SNX24: variants seen among roughly 807,000 people sequenced by gnomAD.
The protein encoded by SNX24 is sorting nexin-24.
SNX24 carries 22 observed loss-of-function variants against 28.7 expected under a neutral mutation model. That is an observed-to-expected ratio of 0.77 (90% confidence interval 0.55 to 1.10). The LOEUF is 1.10. Ranked by LOEUF, SNX24 falls within the 50% of genes least tolerant of loss-of-function variation. SNX24 has a pLI of 0.00. For missense variants in SNX24, 221 were observed against 201.1 expected (o/e 1.10, Z -0.60); for synonymous variants, 69 against 71.5 (o/e 0.96, Z 0.18).
At chr5:122,901,786 C>T (rs1023004976) in intron 1 of SNX24, among the ~76,000 whole-genome samples, 1 of 152,108 alleles carries the variant, frequency 6.6e-6, no homozygotes, top group African/African-American at 2.4e-5. Context: ...CTGGTAGATG[C>T]CTGGTCCTAG....
intron 1 of SNX24, among the ~76,000 whole-genome samples, chr5:122,880,820 ACT>A (rs1348963109): frequency 6.6e-6 from 1 of 152,162 alleles, no homozygotes. Context: ...AAATCTGGGA[ACT>A]CTGCACAATT....
At position 122,985,127 on chromosome 5, in the gene SNX24, G is replaced by A. The variant is rs568272883; in HGVS notation, c.250-14785G>A. On this transcript the variant is annotated intron_variant, in intron 3 of 6. Transcript: ENST00000261369. ...ATTTAGATGAACAATGGCTTATTTT[G>A]TGGTAACTTATAACCATATCATCTC... Among the ~76,000 whole-genome samples the A allele has an allele frequency of 7.2e-5, 11 of 152,220 alleles. No homozygotes were observed. In the East Asian group the frequency reaches 2.1e-3, roughly 29 times the overall value.
At chr5:122,951,856 A>G (rs912570800) in intron 3 of SNX24, among the ~76,000 whole-genome samples, 1 of 152,220 alleles carries the variant, frequency 6.6e-6, no homozygotes, top group Non-Finnish European at 1.5e-5. Context: ...CTAGGCTCAG[A>G]GTCTGCGGGT....
chr5:122,914,238 G>A (rs1758059857), intron 1 of SNX24, among the ~76,000 whole-genome samples: 1 of 152,204 alleles, frequency 6.6e-6, no homozygotes, highest in South Asian at 2.1e-4. Context: ...GCATCCCAGG[G>A]ATGAAGCCCA....
intron 3 of SNX24, among the ~76,000 whole-genome samples, chr5:122,953,472 C>T (rs1760058286): frequency 6.6e-6 from 1 of 151,562 alleles, no homozygotes; most frequent in African/African-American, 2.4e-5. Flanking sequence ...CTTGTAATGC[C>T]TAGACATAGC....
chr5:123,005,783 T>G (rs1762402913), intron 6 of SNX24, among the ~76,000 whole-genome samples: 1 of 152,228 alleles, frequency 6.6e-6, no homozygotes, highest in African/African-American at 2.4e-5. Flanking sequence ...AGAATTAAAA[T>G]TAACTTAGCT....
At chr5:123,024,055 A>C (rs1477096925) in intron 5 of SNX24, 3 of 1,569,532 alleles carry the variant, frequency 1.9e-6, no homozygotes, top group East Asian at 4.5e-5. Context: ...CAGCTATAGC[A>C]ATCCAAAGGT....
intron 1 of SNX24, among the ~76,000 whole-genome samples, chr5:122,902,780 A>G (rs530815096): frequency 6.6e-6 from 1 of 152,230 alleles, no homozygotes; most frequent in Non-Finnish European, 1.5e-5. Context: ...ATGGTTAAAA[A>G]GAGCCCCTTC....
intron 4 of SNX24, among the ~76,000 whole-genome samples, chr5:123,000,831 A>AC (rs1762220912): frequency 6.6e-6 from 1 of 152,160 alleles, no homozygotes; most frequent in Non-Finnish European, 1.5e-5. Context: ...AGAGAGGTTT[A>AC]CCCATTTTCT....
At position 122,973,755 on chromosome 5, in the gene SNX24, G is replaced by T. The variant is rs138279312; in HGVS notation, c.250-26157G>T. Among the ~76,000 whole-genome samples the T allele has an allele frequency of 6.2e-4, 94 of 152,322 alleles. 2 individuals carry two copies. In the East Asian group the frequency reaches 0.013, roughly 22 times the overall value. ...TGGTAAGTTGGCAACCCATAGTCAA[G>T]CGTTCAGTTTCTACAAAAGCCAAGT... is the stretch of plus-strand genomic sequence containing the variant. On this transcript the variant is annotated intron_variant, in intron 3 of 6. Coordinates refer to ENST00000261369, the MANE Select transcript of SNX24 (RefSeq NM_014035.4).
At chr5:122,968,296 G>T (rs1373921598) in intron 3 of SNX24, among the ~76,000 whole-genome samples, 1 of 152,188 alleles carries the variant, frequency 6.6e-6, no homozygotes, top group Non-Finnish European at 1.5e-5. Flanking sequence ...GCAGCAAGCT[G>T]AGATCATGCC....
chr5:122,899,357 G>A (rs976489045), intron 1 of SNX24, among the ~76,000 whole-genome samples: 5 of 152,118 alleles, frequency 3.3e-5, no homozygotes, highest in African/African-American at 1.2e-4. Context: ...ATTTGCACCA[G>A]AAAAAATTAG....
chr5:122,902,681 C>A (rs1581725703), intron 1 of SNX24, among the ~76,000 whole-genome samples: 1 of 152,150 alleles, frequency 6.6e-6, no homozygotes, highest in Non-Finnish European at 1.5e-5. Context: ...GCCCAGTACA[C>A]ACATTCAGGT....
intron 2 of SNX24, among the ~76,000 whole-genome samples, chr5:122,937,018 T>C (rs890277765): frequency 2.6e-5 from 4 of 152,226 alleles, no homozygotes; most frequent in African/African-American, 9.6e-5. Context: ...AGATTTTCTG[T>C]TAAAATCATT....
chr5:122,892,482 C>A (rs554515269), intron 1 of SNX24, among the ~76,000 whole-genome samples: 1 of 151,656 alleles, frequency 6.6e-6, no homozygotes, highest in Admixed American at 6.6e-5. Context: ...GACAGAGTCT[C>A]GCTTTGGAGT....
Position 123,007,832 on chromosome 5 carries a change from G to A in SNX24, c.*83G>A, listed in dbSNP as rs922872271. 2.6e-5 allele frequency: 40 copies of A among 1,557,052 alleles called. No homozygotes were observed. The highest frequency in any genetic ancestry group is 1.7e-4 in the Middle Eastern group (1 of 5,780). On this transcript the variant is annotated 3_prime_UTR_variant, in exon 7 of 7. Transcript: ENST00000261369. Reference sequence around the variant, plus strand: ...CAATACCTACCAATTTAACCTAAACGCTATGATATATAACAGCTCTAGCTA... The same window carrying A: ...CAATACCTACCAATTTAACCTAAACACTATGATATATAACAGCTCTAGCTA...
chr5:122,930,785 A>G (rs372246636), intron 1 of SNX24, among the ~76,000 whole-genome samples: 10 of 152,100 alleles, frequency 6.6e-5, no homozygotes, highest in Non-Finnish European at 1.5e-4. Flanking sequence ...AAGCAGAATC[A>G]TATCAATACA....
intron 1 of SNX24, among the ~76,000 whole-genome samples, chr5:122,905,435 C>CTAA (rs1474502699): frequency 6.6e-6 from 1 of 152,152 alleles, no homozygotes; most frequent in Non-Finnish European, 1.5e-5. Context: ...GAAATACAGG[C>CTAA]TAATTTACTA....
At chr5:122,849,158 G>T (rs1426501068) in intron 1 of SNX24, among the ~76,000 whole-genome samples, 1 of 152,170 alleles carries the variant, frequency 6.6e-6, no homozygotes, top group Non-Finnish European at 1.5e-5. Context: ...AGTTTTTACA[G>T]ATATTGCACG....
Sources: allele counts gnomAD v4.1 joint callset (sites outside exome capture counted in the v4.1 genomes callset), GRCh38; gene constraint gnomAD v4.1.1; transcripts MANE v1.5; gene names NCBI Gene and HGNC (gene_info 2026-07-23, HGNC 2026-07-21).